RANBP9: variants seen among roughly 807,000 people sequenced by gnomAD.
The protein encoded by RANBP9 is RAN binding protein 9.
In RANBP9, 15 loss-of-function variants were observed where a neutral mutation model predicts 84.3. The observed-to-expected ratio is 0.18, with a 90% CI of 0.12 to 0.27. The LOEUF is 0.27. RANBP9 is among the 10% of genes least tolerant of loss of function. The pLI, the probability that RANBP9 is intolerant of heterozygous loss-of-function variation, is 1.00. For missense variants in RANBP9, 809 were observed against 912.8 expected (o/e 0.89, Z 1.46); for synonymous variants, 392 against 349.6 (o/e 1.12, Z -1.35).
At chr6:13,633,700 A>G (rs1349693281) in intron 11 of RANBP9, among the ~76,000 whole-genome samples, 1 of 152,244 alleles carries the variant, frequency 6.6e-6, no homozygotes, top group Non-Finnish European at 1.5e-5. Flanking sequence ...AGTAAAACAA[A>G]GCTGCATTTC....
rs1469662776 is a variant in RANBP9, at chr6:13,632,540, A to G, written c.1796-19T>C. The G allele has an allele frequency of 6.2e-7, 1 of 1,601,060 alleles. No homozygotes were observed. Among genetic ancestry groups the G allele is most frequent in the Admixed American group, 1.7e-5 (1 of 59,906 alleles). Reference sequence around the variant, plus strand: ...TCAACTTCTGTAAGAAAAACAGACAAGTATTTTACTACCTTATGGAATGGA... The same window carrying G: ...TCAACTTCTGTAAGAAAAACAGACAGGTATTTTACTACCTTATGGAATGGA... On this transcript the variant is annotated intron_variant, in intron 11 of 13. Transcript: ENST00000011619.
At chr6:13,628,120 T>C (rs1198117233) in intron 12 of RANBP9, among the ~76,000 whole-genome samples, 1 of 152,184 alleles carries the variant, frequency 6.6e-6, no homozygotes, top group South Asian at 2.1e-4. Flanking sequence ...ACAATAATCA[T>C]CTAAAGTTGT....
At chr6:13,666,914 G>A (rs1021558334) in intron 2 of RANBP9, among the ~76,000 whole-genome samples, 1 of 152,160 alleles carries the variant, frequency 6.6e-6, no homozygotes, top group Non-Finnish European at 1.5e-5. Flanking sequence ...AGGGTTATCT[G>A]ACAAAGGGAA....
intron 10 of RANBP9, among the ~76,000 whole-genome samples, chr6:13,635,160 G>A (rs891451393): frequency 2.0e-5 from 3 of 152,100 alleles, no homozygotes; most frequent in Non-Finnish European, 2.9e-5. Flanking sequence ...TTCACCACAC[G>A]ACAGAGAGTG....
At chr6:13,676,011 A>C (rs1765878260) in intron 2 of RANBP9, among the ~76,000 whole-genome samples, 1 of 152,100 alleles carries the variant, frequency 6.6e-6, no homozygotes, top group Non-Finnish European at 1.5e-5. Context: ...CTTTACAGAA[A>C]TGAGAAAGAA....
chr6:13,622,420 A>G lies in RANBP9; in HGVS notation c.2132T>C (p.Met711Thr). 1.2e-6 allele frequency: 2 copies of G among 1,603,724 alleles called. No individual in the cohort carries two copies. Among genetic ancestry groups the G allele is most frequent in the Non-Finnish European group, 1.7e-6 (2 of 1,174,708 alleles). The stretch of plus-strand genomic sequence containing the variant: ...GCAGGATCCAATTCCTGATCGAGCC[A>G]TCAGTCCTAGACATTGTGTGGCCTG... ...MGQATQCLGL[M>T]ARSGIGSCAF... Residue 711 changes from methionine (M) to threonine (T), a missense_variant, in exon 14 of 14, where the codon ATG (methionine) becomes ACG (threonine). This residue lies in a region of RANBP9 where 233 missense variants were observed against 234.4 expected (regional missense o/e 0.99). Coordinates refer to ENST00000011619, the MANE Select transcript of RANBP9 (RefSeq NM_005493.3).
intron 5 of RANBP9, 132 bp downstream of exon 5, chr6:13,652,525 CTT>C: frequency 1.2e-6 from 1 of 830,078 alleles, no homozygotes; most frequent in South Asian, 2.5e-5. Flanking sequence ...GAAAAGATCT[CTT>C]TCTTTGCATG....
At chr6:13,681,002 C>T (rs1045707880) in intron 2 of RANBP9, among the ~76,000 whole-genome samples, 3 of 151,916 alleles carry the variant, frequency 2.0e-5, no homozygotes, top group Admixed American at 2.0e-4. Flanking sequence ...ACTAAGTGAT[C>T]AGAATAAAGA....
At chr6:13,649,223 C>T (rs1040311905) in intron 5 of RANBP9, among the ~76,000 whole-genome samples, 5 of 151,960 alleles carry the variant, frequency 3.3e-5, no homozygotes, top group African/African-American at 4.8e-5. Flanking sequence ...ATGAAAAATA[C>T]TACACTAAAA....
chr6:13,679,612 AAAATT>A (rs1281799720), intron 2 of RANBP9, among the ~76,000 whole-genome samples: 3 of 152,208 alleles, frequency 2.0e-5, no homozygotes, highest in Non-Finnish European at 2.9e-5. Context: ...TTTGGTTAAT[AAAATT>A]ATTTATATTT....
In RANBP9 at chr6:13,659,076, C is replaced by T. The variant is rs3799931; in HGVS notation, c.684-244G>A. ...TAAATACACACAAAGCATTAATATACAGCTATGCACTCTACTGACACCTAT... is the reference window on the plus strand; with the variant it reads ...TAAATACACACAAAGCATTAATATATAGCTATGCACTCTACTGACACCTAT... On this transcript the variant is annotated intron_variant, in intron 2 of 13. Transcript: ENST00000011619. Among the ~76,000 whole-genome samples the T allele has an allele frequency of 9.3e-4, 141 of 152,112 alleles. 1 individual carries two copies. In the East Asian group the frequency reaches 0.026, roughly 28 times the overall value.
At chr6:13,627,863 C>A (rs1764661984) in intron 12 of RANBP9, among the ~76,000 whole-genome samples, 1 of 151,986 alleles carries the variant, frequency 6.6e-6, no homozygotes, top group Non-Finnish European at 1.5e-5. Flanking sequence ...AAATGTCGCA[C>A]TCCCAAATCT....
intron 2 of RANBP9, among the ~76,000 whole-genome samples, chr6:13,669,234 A>C (rs567854585): frequency 1.3e-5 from 2 of 152,312 alleles, no homozygotes; most frequent in South Asian, 2.1e-4. Flanking sequence ...CTGCTAAGTA[A>C]ATGGAAAGAC....
intron 13 of RANBP9, among the ~76,000 whole-genome samples, chr6:13,624,756 T>G (rs1404457183): frequency 6.6e-6 from 1 of 152,216 alleles, no homozygotes; most frequent in African/African-American, 2.4e-5. Context: ...TGGCTAAGCC[T>G]CGCCTTTTAA....
chr6:13,691,764 C>A (rs976779938), intron 2 of RANBP9, among the ~76,000 whole-genome samples: 1 of 152,150 alleles, frequency 6.6e-6, no homozygotes, highest in East Asian at 1.9e-4. Context: ...CTCCTGTGTT[C>A]AAGCGATTCT....
In RANBP9 at chr6:13,622,387, G is replaced by A. The variant is rs767551564; in HGVS notation, c.2165C>T (p.Ala722Val). The change falls in exon 14 of 14, where the codon GCC becomes GTC. Residue 722 changes from alanine (A) to valine (V), a missense_variant. By Grantham distance (64) the Ala-to-Val change is moderately conservative (BLOSUM62 0). This residue lies in a region of RANBP9 where 233 missense variants were observed against 234.4 expected (regional missense o/e 0.99). Coordinates refer to ENST00000011619, the MANE Select transcript of RANBP9 (RefSeq NM_005493.3). ...ARSGIGSCAF[A>V]TVEDYLH ...CTAATGTAGGTAGTCTTCCACTGTGGCAAATGCGCAGGATCCAATTCCTGA... is the reference window on the plus strand; with the variant it reads ...CTAATGTAGGTAGTCTTCCACTGTGACAAATGCGCAGGATCCAATTCCTGA... 6.3e-7 allele frequency: 1 copy of A among 1,595,190 alleles called. No homozygotes were observed. The highest frequency in any genetic ancestry group is 1.8e-5 in the Admixed American group (1 of 56,866).
intron 1 of RANBP9, among the ~76,000 whole-genome samples, chr6:13,709,158 T>G (rs1437955157): frequency 1.3e-5 from 2 of 152,196 alleles, no homozygotes; most frequent in Non-Finnish European, 1.5e-5. Context: ...TAATCATCAA[T>G]TTTATGTAAA....
intron 2 of RANBP9, among the ~76,000 whole-genome samples, chr6:13,672,013 C>T (rs1451270439): frequency 6.6e-6 from 1 of 152,096 alleles, no homozygotes; most frequent in African/African-American, 2.4e-5. Flanking sequence ...AAGCCAATAA[C>T]TGGAAGGAAC....
chr6:13,652,055 T>G (rs937730976), intron 5 of RANBP9, among the ~76,000 whole-genome samples: 1 of 152,188 alleles, frequency 6.6e-6, no homozygotes, highest in African/African-American at 2.4e-5. Flanking sequence ...CTCCAAAAGC[T>G]TCAGCTCAAG....
Sources: gnomAD v4.1 joint callset for allele counts (sites outside exome capture counted in the v4.1 genomes callset) on GRCh38, gnomAD v4.1.1 for gene constraint, gnomAD v4.1.1 regional missense constraint, MANE v1.5 for transcripts, NCBI Gene and HGNC (gene_info 2026-07-23, HGNC 2026-07-21) for gene names.